NOL4: variants seen among roughly 807,000 people sequenced by gnomAD.
The protein encoded by NOL4 is nucleolar protein 4.
Under a neutral mutation model 75.9 loss-of-function variants are expected in NOL4, and 17 were observed. The ratio of observed to expected loss-of-function variants is 0.22; its 90% CI spans 0.15 to 0.34. The LOEUF (loss-of-function observed/expected upper bound fraction) is 0.34, where lower values mean the gene tolerates loss of function less well. NOL4 is among the 10% of genes least tolerant of loss of function. The pLI, the probability that NOL4 is intolerant of heterozygous loss-of-function variation, is 1.00. For synonymous variants in NOL4, 292 were observed against 289.9 expected, an observed-to-expected ratio of 1.01 and a Z score of -0.07; for missense variants, 614 against 793.5, an observed-to-expected ratio of 0.77 and a Z score of 2.72.
intron 6 of NOL4, among the ~76,000 whole-genome samples, chr18:33,989,214 A>G (rs2072728958): frequency 6.6e-6 from 1 of 151,240 alleles, no homozygotes; most frequent in Non-Finnish European, 1.5e-5. Flanking sequence ...AAAAAAAAAA[A>G]AAAAATCATT....
rs953221382 is a variant in NOL4 at position 33,982,742 on chromosome 18, A to ATT, written c.1057-24326_1057-24325dup. Among the ~76,000 whole-genome samples, 753 of 104,898 alleles carry ATT rather than the reference A, an allele frequency of 7.2e-3. 19 individuals are homozygous for ATT. Among genetic ancestry groups the ATT allele is most frequent in the Non-Finnish European group, 8.4e-3 (438 of 52,348 alleles). 68.8% of individuals were successfully genotyped at this position (104,898 alleles called of 152,430 possible). ...AACTGTGGTATATCCAGACAATGGG[A>ATT]TTTTTTTTTTTTTTTTTTTTTTTTT... On this transcript the variant is annotated intron_variant, in intron 6 of 10. Coordinates refer to ENST00000261592, the MANE Select transcript of NOL4 (RefSeq NM_003787.5).
intron 6 of NOL4, among the ~76,000 whole-genome samples, chr18:33,980,128 T>C (rs531891027): frequency 2.6e-5 from 4 of 152,028 alleles, no homozygotes; most frequent in Admixed American, 6.6e-5. Flanking sequence ...CTAGGTCAGA[T>C]TGCTATTCAA....
intron 10 of NOL4, among the ~76,000 whole-genome samples, chr18:33,868,374 A>G (rs1020782448): frequency 9.2e-5 from 14 of 152,136 alleles, no homozygotes; most frequent in Non-Finnish European, 1.0e-4. Context: ...TCACAGACAT[A>G]TATAGAAAAA....
At chr18:34,028,301 C>A (rs928441443) in intron 5 of NOL4, among the ~76,000 whole-genome samples, 4 of 152,238 alleles carry the variant, frequency 2.6e-5, no homozygotes, top group African/African-American at 9.6e-5. Flanking sequence ...ATTTACTGAG[C>A]TTTGCAGCAC....
chr18:34,109,644 C>T (rs1322115690), intron 2 of NOL4, among the ~76,000 whole-genome samples: 1 of 150,924 alleles, frequency 6.6e-6, no homozygotes, highest in Non-Finnish European at 1.5e-5. Context: ...CCAAAGTTAA[C>T]AGAAGGAAAT....
At chr18:34,038,049 A>T (rs1244099229) in intron 5 of NOL4, among the ~76,000 whole-genome samples, 1 of 152,150 alleles carries the variant, frequency 6.6e-6, no homozygotes, top group Non-Finnish European at 1.5e-5. Context: ...CAACAATAAA[A>T]AAACAAATAA....
chr18:33,888,387 T>C (rs915705307), intron 9 of NOL4, among the ~76,000 whole-genome samples: 4 of 152,194 alleles, frequency 2.6e-5, no homozygotes, highest in Non-Finnish European at 5.9e-5. Context: ...ACTCTGATTA[T>C]AGTTTCTTTT....
Position 34,224,283 on chromosome 18 carries a change from A to G in NOL4, c.-1030T>C, listed in dbSNP as rs1192070586. The G allele has an allele frequency of 6.6e-6, 1 of 152,304 alleles. No individual in the cohort carries two copies. The highest frequency in any genetic ancestry group is 1.9e-4 in the East Asian group (1 of 5,188). The allele number at this position is 152,304 out of a possible 1,614,324, so 9.4% of individuals were successfully genotyped here. On this transcript the variant is annotated 5_prime_UTR_variant, in exon 1 of 11. Transcript: ENST00000261592. ...GAAAACCTTTGCACGAAATTAAAAT[A>G]TATACAGAAAGATCATTTTCCCCTT...
At chr18:34,135,435 G>A (rs528577096) in intron 1 of NOL4, among the ~76,000 whole-genome samples, 4 of 151,978 alleles carry the variant, frequency 2.6e-5, no homozygotes, top group South Asian at 4.1e-4. Flanking sequence ...GCGGTGGCTC[G>A]TGCCTGTAAT....
At chr18:33,894,912 C>A (rs928363706) in intron 9 of NOL4, among the ~76,000 whole-genome samples, 5 of 152,012 alleles carry the variant, frequency 3.3e-5, no homozygotes, top group African/African-American at 1.2e-4. Context: ...CTCTATTGCA[C>A]AGCAGGATGA....
chr18:33,910,338 C>A (rs2066322181), intron 9 of NOL4, among the ~76,000 whole-genome samples: 1 of 152,126 alleles, frequency 6.6e-6, no homozygotes, highest in Non-Finnish European at 1.5e-5. Context: ...CAGTGAAACA[C>A]ACCGACAAGA....
chr18:33,934,852 G>A (rs2067948359), intron 9 of NOL4, among the ~76,000 whole-genome samples: 2 of 150,118 alleles, frequency 1.3e-5, no homozygotes, highest in African/African-American at 4.9e-5. Context: ...TGTGTTCACT[G>A]GAGTAGCACG....
chr18:34,093,512 A>T lies in NOL4; in HGVS notation c.725T>A (p.Leu242His). The T allele has an allele frequency of 6.2e-7, 1 of 1,607,898 alleles. No homozygotes were observed. The highest frequency in any genetic ancestry group is 8.5e-7 in the Non-Finnish European group (1 of 1,176,228). Residue 242 changes from leucine to histidine, a missense_variant, in exon 5 of 11, where the codon CTT becomes CAT. Physicochemically the swap from Leu to His is moderately conservative, Grantham distance 99 (BLOSUM62 -3). This residue lies in a region of NOL4 where 135 missense variants were observed against 220.4 expected (regional missense o/e 0.61). Coordinates refer to ENST00000261592, the MANE Select transcript of NOL4 (RefSeq NM_003787.5). Reference protein sequence around the residue: ...SAVNSDLSSNLEERMQSPQNL... With the variant: ...SAVNSDLSSNHEERMQSPQNL... ...CTGGGGACTTTGCATTCTTTCTTCA[A>T]GATTGGAGCTAAGATCAGAGTTCAC...
At chr18:34,072,257 C>T (rs1451292168) in intron 5 of NOL4, among the ~76,000 whole-genome samples, 1 of 151,916 alleles carries the variant, frequency 6.6e-6, no homozygotes, top group Admixed American at 6.6e-5. Flanking sequence ...GATAAAATGA[C>T]AGACAAAGGC....
chr18:34,172,037 A>T (rs4482370), intron 1 of NOL4, among the ~76,000 whole-genome samples: 2 of 151,380 alleles, frequency 1.3e-5, no homozygotes, highest in African/African-American at 2.4e-5. Context: ...CCTCAAAATG[A>T]GAACTTGACT....
intron 1 of NOL4, chr18:34,222,449 G>A: frequency 9.2e-7 from 1 of 1,090,824 alleles, no homozygotes; most frequent in Non-Finnish European, 1.1e-6. Context: ...CGTGCCTCCC[G>A]GGCAGCGATC....
chr18:34,023,911 A>G (rs138261487), intron 5 of NOL4, among the ~76,000 whole-genome samples: 4 of 152,114 alleles, frequency 2.6e-5, no homozygotes, highest in African/African-American at 9.6e-5. Flanking sequence ...TCCATGAATT[A>G]GTAGAGACCC....
intron 1 of NOL4, among the ~76,000 whole-genome samples, chr18:34,172,247 A>G (rs542900512): frequency 6.6e-6 from 1 of 152,290 alleles, no homozygotes; most frequent in South Asian, 2.1e-4. Context: ...TAACTACATC[A>G]AAGTATTTAT....
intron 6 of NOL4, among the ~76,000 whole-genome samples, chr18:33,995,180 C>A (rs947887666): frequency 2.0e-5 from 3 of 151,352 alleles, no homozygotes; most frequent in Admixed American, 6.6e-5. Context: ...TTCTACCAAA[C>A]GTTTAAAAAC....
Sources: gnomAD v4.1 joint callset for allele counts (sites outside exome capture counted in the v4.1 genomes callset) on GRCh38, gnomAD v4.1.1 for gene constraint, gnomAD v4.1.1 regional missense constraint, MANE v1.5 for transcripts, NCBI Gene and HGNC (gene_info 2026-07-23, HGNC 2026-07-21) for gene names.